The following KIFC1 variants were observed in gnomAD, a reference collection of about 807,000 sequenced individuals.
KIFC1 encodes kinesin family member C1.
KIFC1 carries 37 observed loss-of-function variants against 66.6 expected under a neutral mutation model. That is an observed-to-expected ratio of 0.56 (90% CI 0.43 to 0.73). KIFC1 has a LOEUF of 0.73. KIFC1 is among the 30% of genes least tolerant of loss of function. KIFC1 has a pLI of 0.00. For missense variants in KIFC1, 721 were observed against 859.8 expected (o/e 0.84, Z 2.02); for synonymous variants, 325 against 343.5 (o/e 0.95, Z 0.60).
rs187759790 is a variant in KIFC1 at position 33,405,766 on chromosome 6, C to T, written c.1536+135C>T. The T allele has an allele frequency of 1.1e-3, 1,031 of 947,368 alleles. 3 individuals are homozygous for T. The highest frequency in any genetic ancestry group is 4.6e-3 in the Middle Eastern group (18 of 3,872). 58.7% of individuals were successfully genotyped at this position (947,368 alleles called of 1,614,324 possible). A position where few individuals can be genotyped will look rare whatever the true frequency, so the allele number is the denominator to read the frequency against. On this transcript the variant is annotated intron_variant, in intron 7 of 10. Coordinates refer to ENST00000428849, the MANE Select transcript of KIFC1 (RefSeq NM_002263.4). The surrounding 1 kb of genome is among the most constrained non-coding windows in gnomAD (Gnocchi z 5.4). ...AGTTATCAGGCTGGGTTACCACATCCGGTTTTGGCCTGTGGGCTGTCGGTA... is the reference window on the plus strand; with the variant it reads ...AGTTATCAGGCTGGGTTACCACATCTGGTTTTGGCCTGTGGGCTGTCGGTA...
At position 33,400,735 on chromosome 6, in the gene KIFC1, C is replaced by T. The variant is rs1775330410; in HGVS notation, c.250+2348C>T. Among the ~76,000 whole-genome samples the T allele has an allele frequency of 6.6e-6, 1 of 152,178 alleles. No individual in the cohort carries two copies. Among genetic ancestry groups the T allele is most frequent in the Non-Finnish European group, 1.5e-5 (1 of 68,030 alleles). On this transcript the variant is annotated intron_variant, in intron 3 of 10. Coordinates refer to ENST00000428849, the MANE Select transcript of KIFC1 (RefSeq NM_002263.4). This position sits in a 1 kb window ranked among gnomAD's most constrained non-coding sequence, Gnocchi z 4.3. Reference sequence around the variant, plus strand: ...AATCTCGGCTCACTGCAAGCTCCGCCTCCCGGGTTCCCGCCATTTTCCTGC... The same window carrying T: ...AATCTCGGCTCACTGCAAGCTCCGCTTCCCGGGTTCCCGCCATTTTCCTGC...
intron 3 of KIFC1, among the ~76,000 whole-genome samples, chr6:33,399,835 C>T (rs1317478939): frequency 6.6e-6 from 1 of 152,200 alleles, no homozygotes; most frequent in Non-Finnish European, 1.5e-5. Flanking sequence ...TTACTGTACA[C>T]TGCTGTAGAC....
chr6:33,391,692 A>G (rs1774788044), upstream of KIFC1: 3 of 585,548 alleles, frequency 5.1e-6, no homozygotes, highest in Non-Finnish European at 6.1e-6. Context: ...TGCGAAACAG[A>G]AAAGACAAGG....
intron 3 of KIFC1, among the ~76,000 whole-genome samples, chr6:33,399,166 T>A (rs1049071744): frequency 2.0e-5 from 3 of 152,116 alleles, no homozygotes; most frequent in Admixed American, 6.5e-5. Context: ...GGTGTGTAGA[T>A]TACCTGAGGT....
intron 1 of KIFC1, among the ~76,000 whole-genome samples, chr6:33,396,445 T>C (rs1046410653): frequency 8.3e-6 from 1 of 120,528 alleles, no homozygotes; most frequent in African/African-American, 2.7e-5. Context: ...TCTTTTTTTT[T>C]TTTTTTTTTT....
chr6:33,403,120 A>C lies in KIFC1; in HGVS notation c.251-194A>C, dbSNP rs1478350425. 4.6e-5 allele frequency among the ~76,000 whole-genome samples: 7 copies of C among 152,066 alleles called. No individual in the cohort carries two copies. Among genetic ancestry groups the C allele is most frequent in the Non-Finnish European group, 1.0e-4 (7 of 68,006 alleles). The stretch of plus-strand genomic sequence containing the variant: ...GGGTGCTGGAATCAACCCCTTTTGG[A>C]TACTGAGGGATGACTGTAATTTCTG... On this transcript the variant is annotated intron_variant, in intron 3 of 10. Coordinates refer to ENST00000428849, the MANE Select transcript of KIFC1 (RefSeq NM_002263.4). The surrounding 1 kb of genome is among the most constrained non-coding windows in gnomAD (Gnocchi z 4.6).
chr6:33,409,611 G>T (rs1482889604), intron 10 of KIFC1, 35 bp from the exon 11 acceptor site: 1 of 1,606,348 alleles, frequency 6.2e-7, no homozygotes, highest in Non-Finnish European at 8.5e-7. Context: ...TGGTTACGCT[G>T]CAAACTTTTA....
At position 33,405,230 on chromosome 6, in the gene KIFC1, C is replaced by A. The variant is rs1775584580; in HGVS notation, c.1135C>A (p.Pro379Thr). 2 of 1,614,084 alleles carry A rather than the reference C, an allele frequency of 1.2e-6. No individual in the cohort carries two copies. Among genetic ancestry groups the A allele is most frequent in the Non-Finnish European group, 1.7e-6 (2 of 1,180,044 alleles). Residue 379 changes from proline to threonine, a missense_variant, in exon 7 of 11, where the codon CCA (proline) becomes ACA (threonine). Transcript: ENST00000428849. The surrounding 1 kb of genome is among the most constrained non-coding windows in gnomAD (Gnocchi z 5.4). ...RHDFSFDRVFPPGSGQDEVFE... is the reference protein window; with the variant it reads ...RHDFSFDRVFTPGSGQDEVFE... ...TGATTTTTCCTTTGACCGGGTATTC[C>A]CACCAGGAAGTGGACAGGATGAAGT... is the stretch of plus-strand genomic sequence containing the variant.
Position 33,402,981 on chromosome 6 carries a change from G to A in KIFC1, c.251-333G>A, listed in dbSNP as rs112390250. Reference sequence around the variant, plus strand: ...CAGCCTGGACAACAAGTGAAACTCTGTCTCAGTCAATCAATAAATAAAGTA... The same window carrying A: ...CAGCCTGGACAACAAGTGAAACTCTATCTCAGTCAATCAATAAATAAAGTA... On this transcript the variant is annotated intron_variant, in intron 3 of 10. Transcript: ENST00000428849. Among the ~76,000 whole-genome samples the A allele has an allele frequency of 8.4e-3, 1,280 of 152,242 alleles. 12 individuals are homozygous for A. Among genetic ancestry groups the A allele is most frequent in the Middle Eastern group, 0.031 (9 of 294 alleles).
chr6:33,393,892 G>A (rs1346463612), intron 1 of KIFC1, among the ~76,000 whole-genome samples: 2 of 151,674 alleles, frequency 1.3e-5, no homozygotes, highest in East Asian at 3.9e-4. Flanking sequence ...GACTACAGGC[G>A]CCTGCCACCA....
chr6:33,402,063 TAGA>T (rs1165497798), intron 3 of KIFC1, among the ~76,000 whole-genome samples: 2 of 152,080 alleles, frequency 1.3e-5, no homozygotes, highest in African/African-American at 4.8e-5. Flanking sequence ...TTTTTGCAAA[TAGA>T]AGGAGTATAC....
At chr6:33,394,403 C>T (rs979585983) in intron 1 of KIFC1, among the ~76,000 whole-genome samples, 2 of 152,206 alleles carry the variant, frequency 1.3e-5, no homozygotes, top group Non-Finnish European at 2.9e-5. Context: ...GGAGTTATAT[C>T]AATTGAGATG....
chr6:33,409,085 G>C (rs960689176), intron 10 of KIFC1, among the ~76,000 whole-genome samples: 1 of 152,178 alleles, frequency 6.6e-6, no homozygotes, highest in Admixed American at 6.5e-5. Flanking sequence ...AGAATGGCTT[G>C]AACCCGGGAG....
chr6:33,401,733 G>A lies in KIFC1; in HGVS notation c.251-1581G>A, dbSNP rs1172070432. Among the ~76,000 whole-genome samples, 4 of 147,520 alleles carry A rather than the reference G, an allele frequency of 2.7e-5. No homozygotes were observed. Among genetic ancestry groups the A allele is most frequent in the Admixed American group, 1.4e-4 (2 of 14,602 alleles). ...TTTTTTTTTTTTGAGACGGAGTCTCGCACTGTCGCCCAGGCTAGAGTGCAG... is the reference window on the plus strand; with the variant it reads ...TTTTTTTTTTTTGAGACGGAGTCTCACACTGTCGCCCAGGCTAGAGTGCAG... On this transcript the variant is annotated intron_variant, in intron 3 of 10. Coordinates refer to ENST00000428849, the MANE Select transcript of KIFC1 (RefSeq NM_002263.4). The surrounding 1 kb of genome is among the most constrained non-coding windows in gnomAD (Gnocchi z 4.5).
intron 3 of KIFC1, among the ~76,000 whole-genome samples, chr6:33,399,801 G>A (rs548917015): frequency 3.9e-5 from 6 of 152,354 alleles, no homozygotes; most frequent in African/African-American, 1.4e-4. Context: ...AGTGAGTGGT[G>A]AGTGAATGTG....
chr6:33,399,399 T>C (rs1775263404), intron 3 of KIFC1, among the ~76,000 whole-genome samples: 1 of 151,860 alleles, frequency 6.6e-6, no homozygotes, highest in Non-Finnish European at 1.5e-5. Context: ...TGAGAAAATA[T>C]TCATGGAAAA....
Position 33,406,381 on chromosome 6 carries a change from C to G in KIFC1, c.1722C>G (p.Pro574=), listed in dbSNP as rs769160369. Residue 574 remains proline (P), a synonymous_variant, in exon 8 of 11, where the codon CCC becomes CCG. Transcript: ENST00000428849. This position sits in a 1 kb window ranked among gnomAD's most constrained non-coding sequence, Gnocchi z 4.5. ...TGGCCGGGAGTGAGCGACTTGACCC[C>G]GGCTTAGCCCTCGGCCCCGGGGAGC... ...VDLAGSERLD[P]GLALGPGERE... is the part of the protein sequence containing the mutation. 6.2e-7 allele frequency: 1 copy of G among 1,613,088 alleles called. No individual in the cohort carries two copies. Among genetic ancestry groups the G allele is most frequent in the Non-Finnish European group, 8.5e-7 (1 of 1,179,212 alleles).
At chr6:33,408,480 T>C (rs143414026) in intron 10 of KIFC1, among the ~76,000 whole-genome samples, 3 of 152,344 alleles carry the variant, frequency 2.0e-5, no homozygotes, top group African/African-American at 4.8e-5. Flanking sequence ...CTTTATTTCA[T>C]TAAGGGGTTT....
At position 33,404,175 on chromosome 6, in the gene KIFC1, G is replaced by C. The variant is rs751409747; in HGVS notation, c.756+46G>C. The C allele has an allele frequency of 7.4e-5, 115 of 1,559,954 alleles. No individual in the cohort carries two copies. The Admixed American group carries it at 7.8e-4, about 11-fold the overall frequency. ...AGATGTCAGCCCCGCTTTCCTGGCA[G>C]AGGTCATGCCTCCCCTCCCTTCCAG... On this transcript the variant is annotated intron_variant, in intron 6 of 10. Transcript: ENST00000428849. This position sits in a 1 kb window ranked among gnomAD's most constrained non-coding sequence, Gnocchi z 4.0.
Sources: gnomAD v4.1 joint callset for allele counts (sites outside exome capture counted in the v4.1 genomes callset) on GRCh38, gnomAD v4.1.1 for gene constraint, Gnocchi (gnomAD v3.1) non-coding constraint, MANE v1.5 for transcripts, NCBI Gene and HGNC (gene_info 2026-07-23, HGNC 2026-07-21) for gene names.